Variants in FSIP1 observed in about 807,000 individuals in gnomAD.
FSIP1 encodes fibrous sheath-interacting protein 1.
A neutral mutation model predicts 60.9 loss-of-function variants in FSIP1; 65 were observed. The observed-to-expected ratio is 1.07, with a 90% CI of 0.87 to 1.31. The LOEUF (loss-of-function observed/expected upper bound fraction) is 1.31, where lower values mean the gene tolerates loss of function less well. Among genes scored for constraint, FSIP1 ranks in the 40% most tolerant of loss-of-function variants. The pLI is 0.00. For missense variants in FSIP1, 675 were observed against 665.5 expected, an observed-to-expected ratio of 1.01 and a Z score of -0.16; for synonymous variants, 209 against 221.2, an observed-to-expected ratio of 0.94 and a Z score of 0.49.
intron 8 of FSIP1, among the ~76,000 whole-genome samples, chr15:39,734,582 C>T (rs1274259321): frequency 6.6e-6 from 1 of 151,924 alleles, no homozygotes; most frequent in East Asian, 1.9e-4. Context: ...ATTTTAGAAA[C>T]TAATTATTGA....
At chr15:39,717,238 A>T (rs1246152803) in intron 9 of FSIP1, among the ~76,000 whole-genome samples, 1 of 140,842 alleles carries the variant, frequency 7.1e-6, no homozygotes. Context: ...ATGGCAGCTA[A>T]AAACTGAAAA....
At chr15:39,758,666 A>C (rs1300500987) in intron 5 of FSIP1, among the ~76,000 whole-genome samples, 2 of 152,166 alleles carry the variant, frequency 1.3e-5, no homozygotes, top group Admixed American at 6.6e-5. Context: ...GCAGTTCATA[A>C]GCTATAGCTT....
At chr15:39,701,129 G>A (rs1895041267) in intron 10 of FSIP1, among the ~76,000 whole-genome samples, 1 of 152,200 alleles carries the variant, frequency 6.6e-6, no homozygotes, top group South Asian at 2.1e-4. Flanking sequence ...TCCAGCCTGG[G>A]TGACAAAGTG....
At chr15:39,682,854 T>C (rs1401992175) in intron 10 of FSIP1, among the ~76,000 whole-genome samples, 4 of 152,328 alleles carry the variant, frequency 2.6e-5, no homozygotes, top group Non-Finnish European at 5.9e-5. Context: ...TAATCACATG[T>C]GTTTATATTT....
chr15:39,738,574 T>C (rs1489194892), intron 7 of FSIP1, among the ~76,000 whole-genome samples: 1 of 152,248 alleles, frequency 6.6e-6, no homozygotes, highest in East Asian at 1.9e-4. Context: ...ATCCACTAAA[T>C]GAAAGTGCTT....
At chr15:39,745,129 T>C (rs1896951175) in intron 5 of FSIP1, among the ~76,000 whole-genome samples, 1 of 117,976 alleles carries the variant, frequency 8.5e-6, no homozygotes, top group South Asian at 3.1e-4. Flanking sequence ...GCCATGATGC[T>C]ACACAAGCGT....
chr15:39,710,468 A>G (rs919326133), intron 10 of FSIP1, among the ~76,000 whole-genome samples: 8 of 151,852 alleles, frequency 5.3e-5, no homozygotes, highest in African/African-American at 1.9e-4. Flanking sequence ...AAAACATAAA[A>G]CAGTACAGAT....
chr15:39,684,974 C>T (rs559469752), intron 10 of FSIP1, among the ~76,000 whole-genome samples: 7 of 152,308 alleles, frequency 4.6e-5, no homozygotes, highest in African/African-American at 1.4e-4. Flanking sequence ...AATCTGGCTC[C>T]GTACTTGCCT....
intron 9 of FSIP1, among the ~76,000 whole-genome samples, chr15:39,722,401 C>G (rs899931991): frequency 2.6e-5 from 4 of 152,034 alleles, no homozygotes; most frequent in Non-Finnish European, 5.9e-5. Context: ...CCAAAACCAT[C>G]CCCCTCTCTG....
At position 39,726,595 on chromosome 15, in the gene FSIP1, A is replaced by G. The variant is rs1896204817; in HGVS notation, c.1044T>C (p.Asn348=). Residue 348 remains asparagine, a synonymous_variant, in exon 9 of 12, where the codon AAT becomes AAC. Transcript: ENST00000350221. ...SSFSPRLENR[N]NQKPDRDGER... ...CTATGGGTTCTTCAAATACCTGATT[A>G]TTCCGATTTTCAAGTCTTGGAGAAA... 2 of 1,614,104 alleles carry G rather than the reference A, an allele frequency of 1.2e-6. No homozygotes were observed. The highest frequency in any genetic ancestry group is 1.7e-6 in the Non-Finnish European group (2 of 1,179,986).
intron 10 of FSIP1, among the ~76,000 whole-genome samples, chr15:39,676,009 C>A (rs1284675733): frequency 5.5e-5 from 8 of 145,634 alleles, no homozygotes; most frequent in African/African-American, 7.6e-5. Flanking sequence ...ACTAAAAATA[C>A]AAAAAAAAAA....
chr15:39,640,089 G>A (rs556080016), intron 10 of FSIP1, among the ~76,000 whole-genome samples: 1 of 152,252 alleles, frequency 6.6e-6, no homozygotes, highest in South Asian at 2.1e-4. Context: ...GAATACTTGT[G>A]TTAACCCCAT....
chr15:39,678,336 C>T (rs1357513875), intron 10 of FSIP1, among the ~76,000 whole-genome samples: 2 of 152,006 alleles, frequency 1.3e-5, no homozygotes, highest in Non-Finnish European at 2.9e-5. Flanking sequence ...CACAAAAAAG[C>T]ATTTGATATT....
chr15:39,739,773 C>T lies in FSIP1; in HGVS notation c.672G>A (p.Val224=), dbSNP rs757099167. Residue 224 remains valine, a synonymous_variant, in exon 7 of 12, where the codon GTG becomes GTA. Coordinates refer to ENST00000350221, the MANE Select transcript of FSIP1 (RefSeq NM_152597.5). Reference sequence around the variant, plus strand: ...ATTTGATCAATGACTCATTTCTTTCCACATCACAGGTAAAATCTAATATTA... The same window carrying T: ...ATTTGATCAATGACTCATTTCTTTCTACATCACAGGTAAAATCTAATATTA... ...QKLNKDFTCD[V]ERNESLIKSG... 3.8e-6 allele frequency: 6 copies of T among 1,566,448 alleles called. No homozygotes were observed. The highest frequency in any genetic ancestry group is 1.2e-5 in the South Asian group (1 of 82,438).
intron 10 of FSIP1, among the ~76,000 whole-genome samples, chr15:39,681,348 C>A (rs1894154482): frequency 6.6e-6 from 1 of 151,788 alleles, no homozygotes. Context: ...TTATTTTCTA[C>A]ATTATATGTT....
intron 10 of FSIP1, among the ~76,000 whole-genome samples, chr15:39,701,135 A>G (rs760253400): frequency 1.6e-4 from 24 of 152,162 alleles, no homozygotes; most frequent in Non-Finnish European, 2.6e-4. Flanking sequence ...CTGGGTGACA[A>G]AGTGAGACCC....
At chr15:39,766,752 C>T (rs1369083618) in intron 3 of FSIP1, among the ~76,000 whole-genome samples, 2 of 152,244 alleles carry the variant, frequency 1.3e-5, no homozygotes, top group Non-Finnish European at 2.9e-5. Flanking sequence ...TTAGAAGTGG[C>T]ATATTGTGCT....
At chr15:39,702,238 C>A (rs1039860541) in intron 10 of FSIP1, among the ~76,000 whole-genome samples, 1 of 150,774 alleles carries the variant, frequency 6.6e-6, no homozygotes, top group South Asian at 2.1e-4. Flanking sequence ...CTGTCTTGGG[C>A]TCTGTTTCCT....
Position 39,739,662 on chromosome 15 carries a change from T to C in FSIP1, c.780+3A>G, listed in dbSNP as rs1046786857. On this transcript the variant is annotated splice_donor_region_variant and intron_variant, in intron 7 of 11. Coordinates refer to ENST00000350221, the MANE Select transcript of FSIP1 (RefSeq NM_152597.5). ...TCTGGCTTCTGAATTTCTAAGTACA[T>C]ACCTCAATGTTTCTCTTAATAAAAT... 2.0e-5 allele frequency: 32 copies of C among 1,590,746 alleles called. No homozygotes were observed. Among genetic ancestry groups the C allele is most frequent in the Non-Finnish European group, 2.6e-5 (30 of 1,174,864 alleles).
Sources: gnomAD v4.1 joint callset for allele counts (sites outside exome capture counted in the v4.1 genomes callset) on GRCh38, gnomAD v4.1.1 for gene constraint, MANE v1.5 for transcripts, NCBI Gene and HGNC (gene_info 2026-07-23, HGNC 2026-07-21) for gene names.